Variants in FOXN3 observed in about 807,000 individuals in gnomAD.
The protein encoded by FOXN3 is forkhead box protein N3.
In FOXN3, 7 loss-of-function variants were observed where a neutral mutation model predicts 38.4. The ratio of observed to expected loss-of-function variants is 0.18; its 90% confidence interval spans 0.10 to 0.34. The LOEUF is 0.34. Ranked by LOEUF, FOXN3 falls within the 10% of genes least tolerant of loss-of-function variation. The pLI, the probability that FOXN3 is intolerant of heterozygous loss-of-function variation, is 1.00. For synonymous variants in FOXN3, 230 were observed against 242.2 expected, an observed-to-expected ratio of 0.95 and a Z score of 0.47; for missense variants, 456 against 613.4, an observed-to-expected ratio of 0.74 and a Z score of 2.71.
chr14:89,170,316 G>T (rs1175652465), intron 5 of FOXN3, among the ~76,000 whole-genome samples: 1 of 151,870 alleles, frequency 6.6e-6, no homozygotes. Flanking sequence ...AAGCTGACAC[G>T]CACACACACA....
intron 3 of FOXN3, among the ~76,000 whole-genome samples, chr14:89,323,419 C>T (rs1021579312): frequency 4.6e-5 from 7 of 151,746 alleles, no homozygotes; most frequent in African/African-American, 1.2e-4. Flanking sequence ...AAGGAGAGGT[C>T]CCAAAGAAGA....
At chr14:89,437,907 T>C (rs1429990910) in intron 1 of FOXN3, among the ~76,000 whole-genome samples, 3 of 152,240 alleles carry the variant, frequency 2.0e-5, no homozygotes, top group Non-Finnish European at 4.4e-5. Flanking sequence ...TGGCTAAGTT[T>C]ATTGAGTGGT....
At chr14:89,480,774 A>G (rs1033633861) in intron 1 of FOXN3, among the ~76,000 whole-genome samples, 4 of 152,182 alleles carry the variant, frequency 2.6e-5, no homozygotes, top group African/African-American at 9.6e-5. Context: ...AGTTATTCCT[A>G]TATTGTTTAT....
At chr14:89,346,381 G>C (rs2140002935) in intron 3 of FOXN3, among the ~76,000 whole-genome samples, 1 of 152,188 alleles carries the variant, frequency 6.6e-6, no homozygotes, top group East Asian at 1.9e-4. Flanking sequence ...TGTCTTCTTA[G>C]TCTCCTCTGG....
rs147200592 is a variant in FOXN3 at position 89,303,137 on chromosome 14, T to G, written c.681-22123A>C. Among the ~76,000 whole-genome samples the G allele has an allele frequency of 3.1e-3, 466 of 152,290 alleles. 5 individuals are homozygous for G. Among genetic ancestry groups the G allele is most frequent in the African/African-American group, 0.01 (429 of 41,566 alleles). ...AGCTTCTCCTGCCACCCCTTGTCTT[T>G]TAGTTTTTTTCGCTCTGACAATACC... On this transcript the variant is annotated intron_variant, in intron 3 of 5. Coordinates refer to ENST00000557258, the MANE Select transcript of FOXN3 (RefSeq NM_005197.4).
intron 3 of FOXN3, among the ~76,000 whole-genome samples, chr14:89,331,846 T>G (rs2139987064): frequency 6.6e-6 from 1 of 150,696 alleles, no homozygotes; most frequent in Admixed American, 6.7e-5. Flanking sequence ...TTGTAACCCC[T>G]ACATTGATTT....
chr14:89,538,557 T>C (rs1894733060), intron 1 of FOXN3, among the ~76,000 whole-genome samples: 1 of 152,214 alleles, frequency 6.6e-6, no homozygotes, highest in African/African-American at 2.4e-5. Flanking sequence ...TTGCCTTTGT[T>C]GCCCAGGCTG....
chr14:89,217,670 T>G (rs1374866890), intron 4 of FOXN3, among the ~76,000 whole-genome samples: 4 of 152,246 alleles, frequency 2.6e-5, no homozygotes, highest in Non-Finnish European at 5.9e-5. Context: ...ACATCTTCTT[T>G]AAAAGCACAA....
chr14:89,384,774 G>A (rs1040972682), intron 2 of FOXN3, among the ~76,000 whole-genome samples: 1 of 152,180 alleles, frequency 6.6e-6, no homozygotes, highest in Non-Finnish European at 1.5e-5. Context: ...TCTTGGAGGC[G>A]ATGATGGCTG....
rs2139728440 is a variant in FOXN3, at chr14:89,461,480, A to G, written c.-14-48990T>C. On this transcript the variant is annotated intron_variant, in intron 1 of 6. Transcript: ENST00000345097. ...ATCATATCAGGGTATTTCCCAGCCC[A>G]TGACACACAAAGAATATTTTCTTGA... 1.3e-5 allele frequency among the ~76,000 whole-genome samples: 2 copies of G among 152,308 alleles called. 1 individual carries two copies. Among genetic ancestry groups the G allele is most frequent in the Non-Finnish European group, 2.9e-5 (2 of 68,028 alleles).
intron 1 of FOXN3, among the ~76,000 whole-genome samples, chr14:89,428,761 C>G (rs1045812025): frequency 3.0e-4 from 46 of 152,232 alleles, no homozygotes; most frequent in African/African-American, 1.1e-3. Context: ...GCGCAGGGGT[C>G]CAAGCACCTG....
In FOXN3 at chr14:89,521,351, T is replaced by TGATA. The variant is rs749255133; in HGVS notation, c.-15+97673_-15+97676dup. On this transcript the variant is annotated intron_variant, in intron 1 of 6. Transcript: ENST00000345097. ...AGAGAGAATGATGAATCTTCATAGA[T>TGATA]GATAGATAGAGAGAGAGAGAGAGAG... Among the ~76,000 whole-genome samples the TGATA allele has an allele frequency of 7.0e-3, 641 of 91,234 alleles. 4 individuals carry two copies. The highest frequency in any genetic ancestry group is 0.026 in the African/African-American group (506 of 19,640). The allele number at this position is 91,234 out of a possible 152,430, so 59.9% of individuals were successfully genotyped here.
intron 1 of FOXN3, among the ~76,000 whole-genome samples, chr14:89,429,829 C>T (rs1341942666): frequency 1.3e-5 from 2 of 152,216 alleles, no homozygotes; most frequent in African/African-American, 2.4e-5. Context: ...TTCACTACAA[C>T]ACTGATCCCA....
intron 3 of FOXN3, among the ~76,000 whole-genome samples, chr14:89,321,724 A>G (rs1028038357): frequency 2.0e-5 from 3 of 152,040 alleles, no homozygotes; most frequent in Admixed American, 6.5e-5. Flanking sequence ...TCTTGCATTC[A>G]ATTTTGTTTG....
chr14:89,199,403 C>T (rs1362224067), intron 4 of FOXN3, among the ~76,000 whole-genome samples: 1 of 152,178 alleles, frequency 6.6e-6, no homozygotes, highest in South Asian at 2.1e-4. Context: ...AAGTTGGAGA[C>T]GGAGAACACC....
chr14:89,491,148 T>G (rs942613992), intron 1 of FOXN3, among the ~76,000 whole-genome samples: 1 of 151,952 alleles, frequency 6.6e-6, no homozygotes, highest in South Asian at 2.1e-4. Context: ...TTTGTTTTTT[T>G]TTTTTTAAGT....
chr14:89,524,855 T>C (rs187226799), intron 1 of FOXN3, among the ~76,000 whole-genome samples: 1 of 152,180 alleles, frequency 6.6e-6, no homozygotes, highest in African/African-American at 2.4e-5. Flanking sequence ...CACTTATTAA[T>C]CTTCCAGATA....
chr14:89,290,380 T>C (rs953588681), intron 3 of FOXN3: 1 of 368,156 alleles, frequency 2.7e-6, no homozygotes, highest in Non-Finnish European at 5.4e-6. Flanking sequence ...GTCTTATTAG[T>C]GGAAATTGCT....
At chr14:89,193,645 T>C (rs543131375) in intron 4 of FOXN3, among the ~76,000 whole-genome samples, 18 of 152,354 alleles carry the variant, frequency 1.2e-4, no homozygotes, top group African/African-American at 4.3e-4. Flanking sequence ...ACCGGTAGGT[T>C]GACACTGGAT....
Sources: allele counts gnomAD v4.1 joint callset (sites outside exome capture counted in the v4.1 genomes callset), GRCh38; gene constraint gnomAD v4.1.1; transcripts MANE v1.5; gene names NCBI Gene and HGNC (gene_info 2026-07-23, HGNC 2026-07-21).